Variants in PDZRN3 observed in about 807,000 individuals in gnomAD.
PDZRN3 encodes PDZ domain containing ring finger 3.
Under a neutral mutation model 85.7 loss-of-function variants are expected in PDZRN3, and 38 were observed. The observed-to-expected ratio is 0.44, with a 90% CI of 0.34 to 0.58. The LOEUF is 0.58. PDZRN3 is among the 20% of genes least tolerant of loss of function. The probability of loss-of-function intolerance (pLI) is 0.01; values close to 1 mark genes in which losing one functional copy is unlikely to be tolerated. For synonymous variants in PDZRN3, 759 were observed against 638.0 expected (o/e 1.19, Z -2.86); for missense variants, 1,629 against 1,506.4 (o/e 1.08, Z -1.35).
chr3:73,443,528 C>T (rs1399173707), intron 3 of PDZRN3, among the ~76,000 whole-genome samples: 1 of 142,594 alleles, frequency 7.0e-6, no homozygotes, highest in African/African-American at 2.9e-5. Context: ...CTTTGTCGCC[C>T]AGGCTGGAGT....
intron 3 of PDZRN3, among the ~76,000 whole-genome samples, chr3:73,429,965 T>A (rs547302195): frequency 8.1e-4 from 123 of 152,322 alleles, no homozygotes; most frequent in African/African-American, 2.9e-3. Context: ...AAGGTCTTTA[T>A]GTTAGCCCCA....
chr3:73,602,053 C>G (rs777996563), intron 3 of PDZRN3, among the ~76,000 whole-genome samples: 5 of 152,170 alleles, frequency 3.3e-5, no homozygotes, highest in Non-Finnish European at 5.9e-5. Flanking sequence ...GTTCTAACAT[C>G]CAACTCTTCA....
intron 3 of PDZRN3, among the ~76,000 whole-genome samples, chr3:73,580,721 T>TA (rs1383317008): frequency 6.6e-6 from 1 of 152,338 alleles, no homozygotes; most frequent in African/African-American, 2.4e-5. Flanking sequence ...ACATCCAGCC[T>TA]AAGACTCAAA....
chr3:73,595,508 C>T (rs1185741334), intron 3 of PDZRN3, among the ~76,000 whole-genome samples: 1 of 151,956 alleles, frequency 6.6e-6, no homozygotes, highest in Non-Finnish European at 1.5e-5. Context: ...TATAGTTAAG[C>T]AAGAAATATC....
intron 3 of PDZRN3, among the ~76,000 whole-genome samples, chr3:73,590,887 A>T (rs557851350): frequency 6.6e-6 from 1 of 152,336 alleles, no homozygotes; most frequent in Admixed American, 6.5e-5. Context: ...TTTTACGTGA[A>T]GTTCTCCCTC....
chr3:73,594,504 T>C (rs4234183), intron 3 of PDZRN3, among the ~76,000 whole-genome samples: 136,504 of 152,246 alleles, frequency 0.9, 61,256 homozygotes, highest in African/African-American at 0.94. Flanking sequence ...TCCACCCAGA[T>C]AGCATGACAG....
intron 5 of PDZRN3, among the ~76,000 whole-genome samples, chr3:73,396,240 A>G (rs1701634269): frequency 6.6e-6 from 1 of 152,112 alleles, no homozygotes; most frequent in Admixed American, 6.5e-5. Flanking sequence ...AAAAGTAAAT[A>G]ATAGTACTGG....
intron 3 of PDZRN3, among the ~76,000 whole-genome samples, chr3:73,443,955 A>G (rs1702698158): frequency 6.6e-6 from 1 of 152,242 alleles, no homozygotes; most frequent in Admixed American, 6.5e-5. Context: ...GCTCATCTTT[A>G]TGCCACATAA....
intron 3 of PDZRN3, among the ~76,000 whole-genome samples, chr3:73,501,336 C>T (rs1026229473): frequency 6.6e-6 from 1 of 152,102 alleles, no homozygotes; most frequent in African/African-American, 2.4e-5. Flanking sequence ...TGATGCCCTC[C>T]ATTCAGGATC....
At chr3:73,431,856 GT>G (rs1412475130) in intron 3 of PDZRN3, among the ~76,000 whole-genome samples, 3 of 152,018 alleles carry the variant, frequency 2.0e-5, no homozygotes, top group Admixed American at 6.5e-5. Context: ...AGTCGTGTGT[GT>G]GTGTTTGGGG....
intron 3 of PDZRN3, among the ~76,000 whole-genome samples, chr3:73,485,574 C>T (rs1703647308): frequency 6.6e-6 from 1 of 152,158 alleles, no homozygotes; most frequent in Non-Finnish European, 1.5e-5. Context: ...AAGAATTAAG[C>T]TCTTATTTTA....
intron 3 of PDZRN3, among the ~76,000 whole-genome samples, chr3:73,419,893 GT>G (rs2106772455): frequency 6.6e-6 from 1 of 152,248 alleles, no homozygotes; most frequent in African/African-American, 2.4e-5. Flanking sequence ...CAGCTTTTTA[GT>G]TTGGAGGGGG....
intron 2 of PDZRN3, among the ~76,000 whole-genome samples, chr3:73,603,114 T>C (rs1405052738): frequency 1.3e-5 from 2 of 152,254 alleles, no homozygotes; most frequent in Non-Finnish European, 2.9e-5. Context: ...TTTATACTTA[T>C]TGTTCATTAG....
At chr3:73,420,975 T>G (rs1702189301) in intron 3 of PDZRN3, among the ~76,000 whole-genome samples, 1 of 152,210 alleles carries the variant, frequency 6.6e-6, no homozygotes, top group Admixed American at 6.5e-5. Context: ...ATACTTTACA[T>G]CACCTCTAGA....
intron 3 of PDZRN3, among the ~76,000 whole-genome samples, chr3:73,564,197 C>A (rs529743947): frequency 6.6e-6 from 1 of 152,184 alleles, no homozygotes; most frequent in Admixed American, 6.5e-5. Context: ...AGTCACTTAA[C>A]ATCTTGAAAA....
At chr3:73,434,933 C>T (rs1240643534) in intron 3 of PDZRN3, among the ~76,000 whole-genome samples, 1 of 152,216 alleles carries the variant, frequency 6.6e-6, no homozygotes, top group African/African-American at 2.4e-5. Flanking sequence ...ATGATTGCCC[C>T]ATTGCCTGAA....
chr3:73,515,036 C>A (rs1333291295), intron 3 of PDZRN3, among the ~76,000 whole-genome samples: 1 of 152,098 alleles, frequency 6.6e-6, no homozygotes, highest in Admixed American at 6.6e-5. Context: ...ACATGAATAA[C>A]CACTCCACCC....
chr3:73,507,880 G>A (rs1704095338), intron 3 of PDZRN3, among the ~76,000 whole-genome samples: 1 of 152,060 alleles, frequency 6.6e-6, no homozygotes. Flanking sequence ...ATCATTTGAG[G>A]CCAGGAGTTC....
chr3:73,616,971 A>G (rs1702772357), intron 1 of PDZRN3, among the ~76,000 whole-genome samples: 1 of 152,206 alleles, frequency 6.6e-6, no homozygotes, highest in Non-Finnish European at 1.5e-5. Flanking sequence ...AGCTCTATTC[A>G]GGGCACCTTG....
Sources: allele counts gnomAD v4.1 joint callset (sites outside exome capture counted in the v4.1 genomes callset), GRCh38; gene constraint gnomAD v4.1.1; transcripts MANE v1.5; gene names NCBI Gene and HGNC (gene_info 2026-07-23, HGNC 2026-07-21).